Variants in PTPRD observed in about 807,000 individuals in gnomAD.
PTPRD encodes the protein receptor-type tyrosine-protein phosphatase delta.
Under a neutral mutation model 214.5 loss-of-function variants are expected in PTPRD, and 34 were observed. The observed-to-expected ratio is 0.16, with a 90% CI of 0.12 to 0.21. The LOEUF (loss-of-function observed/expected upper bound fraction) is 0.21, where lower values mean the gene tolerates loss of function less well. PTPRD is among the 10% of genes least tolerant of loss of function. The probability of loss-of-function intolerance (pLI) is 1.00; values close to 1 mark genes in which losing one functional copy is unlikely to be tolerated. For synonymous variants in PTPRD, 1,128 were observed against 845.7 expected, an observed-to-expected ratio of 1.33 and a Z score of -5.79; for missense variants, 2,545 against 2,398.7, an observed-to-expected ratio of 1.06 and a Z score of -1.27.
intron 5 of PTPRD, among the ~76,000 whole-genome samples, chr9:9,827,910 T>C (rs149342518): frequency 0.011 from 1,691 of 152,126 alleles, 24 homozygotes; most frequent in African/African-American, 0.038. Flanking sequence ...AAAATGCTCA[T>C]CATCACTGGC....
At chr9:10,284,851 T>C (rs1193905969) in intron 3 of PTPRD, among the ~76,000 whole-genome samples, 1 of 152,174 alleles carries the variant, frequency 6.6e-6, no homozygotes, top group Non-Finnish European at 1.5e-5. Context: ...TTCCCCCTGA[T>C]AAGGTCACTT....
chr9:9,031,869 T>C (rs2099606619), intron 10 of PTPRD, among the ~76,000 whole-genome samples: 1 of 151,956 alleles, frequency 6.6e-6, no homozygotes, highest in African/African-American at 2.4e-5. Flanking sequence ...GGCAGAAGGA[T>C]GGTAGAATTG....
intron 39 of PTPRD, among the ~76,000 whole-genome samples, chr9:8,368,575 T>C (rs2080602801): frequency 6.6e-6 from 1 of 152,166 alleles, no homozygotes; most frequent in African/African-American, 2.4e-5. Flanking sequence ...AAATTCTGCA[T>C]TTCATCAGGC....
chr9:10,388,939 T>A (rs938698914), intron 2 of PTPRD, among the ~76,000 whole-genome samples: 1 of 151,832 alleles, frequency 6.6e-6, no homozygotes, highest in Non-Finnish European at 1.5e-5. Flanking sequence ...AAACATCAAA[T>A]GAAATTGTAT....
At chr9:9,492,963 A>G (rs2095986278) in intron 8 of PTPRD, among the ~76,000 whole-genome samples, 1 of 146,512 alleles carries the variant, frequency 6.8e-6, no homozygotes, top group African/African-American at 2.6e-5. Flanking sequence ...CGACAAACAT[A>G]CTAGATAAAT....
chr9:10,569,083 AC>A (rs1282435726), intron 2 of PTPRD, among the ~76,000 whole-genome samples: 7 of 152,172 alleles, frequency 4.6e-5, no homozygotes, highest in African/African-American at 1.7e-4. Context: ...CAAGAAAAAA[AC>A]AAAAACCCAT....
chr9:8,642,476 G>T (rs535388030), intron 12 of PTPRD, among the ~76,000 whole-genome samples: 23 of 152,274 alleles, frequency 1.5e-4, no homozygotes, highest in African/African-American at 4.8e-4. Context: ...GAACATGCAG[G>T]TACCCCTGTC....
intron 8 of PTPRD, among the ~76,000 whole-genome samples, chr9:9,411,262 C>CTTTTTTTTTTTTTTTTTTTTTTTTTT (rs34617237): frequency 7.2e-6 from 1 of 139,842 alleles, no homozygotes; most frequent in Non-Finnish European, 1.5e-5. Flanking sequence ...AGCATTGTGT[C>CTTTTTTTTTTTTTTTTTTTTTTTTTT]TTTTTTTTTT....
chr9:8,502,026 T>C (rs529251705), intron 23 of PTPRD, among the ~76,000 whole-genome samples: 100 of 152,288 alleles, frequency 6.6e-4, no homozygotes, highest in East Asian at 1.5e-3. Flanking sequence ...TTTCTTTCAT[T>C]TTGTACATAA....
chr9:9,402,748 A>C (rs1464829055), intron 8 of PTPRD, among the ~76,000 whole-genome samples: 1 of 151,658 alleles, frequency 6.6e-6, no homozygotes, highest in Non-Finnish European at 1.5e-5. Flanking sequence ...AAAAAAAGAC[A>C]ATTTTCAGTG....
intron 5 of PTPRD, among the ~76,000 whole-genome samples, chr9:9,810,151 C>CAAAAAAAAAAAAAA (rs1555141528): frequency 1.4e-5 from 1 of 73,218 alleles, no homozygotes; most frequent in African/African-American, 8.4e-5. Flanking sequence ...AAAAAAAAAG[C>CAAAAAAAAAAAAAA]AAATATATTT....
At chr9:10,491,570 GC>G in intron 2 of PTPRD, among the ~76,000 whole-genome samples, 1 of 151,658 alleles carries the variant, frequency 6.6e-6, no homozygotes, top group African/African-American at 2.4e-5. Context: ...ATTATAAAGG[GC>G]CAAATGAGCA....
chr9:9,134,444 T>C lies in PTPRD; in HGVS notation c.-143+48860A>G, dbSNP rs886693752. The stretch of plus-strand genomic sequence containing the variant: ...CAGCAATTCTCTTGGCTTTACCTTC[T>C]CACACCTCCACTTGGTCTATGCTTG... On this transcript the variant is annotated intron_variant, in intron 10 of 45. Transcript: ENST00000381196. 2.6e-5 allele frequency among the ~76,000 whole-genome samples: 4 copies of C among 152,292 alleles called. No homozygotes were observed. The East Asian group carries it at 7.7e-4, about 29-fold the overall frequency.
Position 10,207,718 on chromosome 9 carries a change from CA to C in PTPRD, c.-545+133244del, listed in dbSNP as rs547562086. On this transcript the variant is annotated intron_variant, in intron 3 of 45. Transcript: ENST00000381196. ...TATCTTGTTCTCTTTCATAGTGTTA[CA>C]AAAATTATATATATATTTAATAATT... is the stretch of plus-strand genomic sequence containing the variant. Among the ~76,000 whole-genome samples, 374 of 151,174 alleles carry C rather than the reference CA, an allele frequency of 2.5e-3. 2 individuals carry two copies. Among genetic ancestry groups the C allele is most frequent in the African/African-American group, 7.2e-3 (298 of 41,210 alleles).
At chr9:9,788,423 G>A (rs2098942038) in intron 5 of PTPRD, among the ~76,000 whole-genome samples, 2 of 151,538 alleles carry the variant, frequency 1.3e-5, no homozygotes, top group African/African-American at 2.4e-5. Context: ...ATGGTGGCAG[G>A]CGCCTGTAGT....
chr9:9,343,957 C>G (rs1596096737), intron 9 of PTPRD, among the ~76,000 whole-genome samples: 1 of 152,066 alleles, frequency 6.6e-6, no homozygotes, highest in Non-Finnish European at 1.5e-5. Flanking sequence ...GGAAATTAAA[C>G]TTTTCACTTA....
chr9:8,713,723 G>GC, intron 12 of PTPRD: 10 of 1,505,278 alleles, frequency 6.6e-6, no homozygotes, highest in Non-Finnish European at 9.1e-6. Context: ...AGCAAGTGAC[G>GC]CCGGCAGGCT....
chr9:9,618,135 G>T lies in PTPRD; in HGVS notation c.-286-43354C>A, dbSNP rs1429507092. On this transcript the variant is annotated intron_variant, in intron 7 of 45. Transcript: ENST00000381196. ...TGTCTTCTGGTTGGAGAATAGATTG[G>T]AAAAAGGCAAGATTGGAGGTGGGGT... is the stretch of plus-strand genomic sequence containing the variant. Among the ~76,000 whole-genome samples, 6 of 137,616 alleles carry T rather than the reference G, an allele frequency of 4.4e-5. No homozygotes were observed. The East Asian group carries it at 9.2e-4, about 21-fold the overall frequency. 90.3% of individuals were successfully genotyped at this position (137,616 alleles called of 152,430 possible).
chr9:9,670,620 G>T (rs2096810474), intron 7 of PTPRD, among the ~76,000 whole-genome samples: 1 of 152,196 alleles, frequency 6.6e-6, no homozygotes, highest in Non-Finnish European at 1.5e-5. Context: ...CCAGTGTCCT[G>T]GTGCTGTGTG....
Sources: allele counts gnomAD v4.1 joint callset (sites outside exome capture counted in the v4.1 genomes callset), GRCh38; gene constraint gnomAD v4.1.1; transcripts MANE v1.5; gene names NCBI Gene and HGNC (gene_info 2026-07-23, HGNC 2026-07-21).